Variants in LRIG1 observed in about 807,000 individuals in gnomAD.
LRIG1 encodes the protein leucine rich repeats and immunoglobulin like domains 1.
Under a neutral mutation model 99.2 loss-of-function variants are expected in LRIG1, and 48 were observed. The observed-to-expected ratio is 0.48, with a 90% CI of 0.38 to 0.62. The LOEUF is 0.62. Ranked by LOEUF, LRIG1 falls within the 20% of genes least tolerant of loss-of-function variation. LRIG1 has a pLI of 0.00. For synonymous variants in LRIG1, 772 were observed against 596.1 expected, an observed-to-expected ratio of 1.29 and a Z score of -4.30; for missense variants, 1,646 against 1,434.4, an observed-to-expected ratio of 1.15 and a Z score of -2.38.
At chr3:66,429,787 G>GTGT (rs1703098334) in intron 3 of LRIG1, among the ~76,000 whole-genome samples, 1 of 149,330 alleles carries the variant, frequency 6.7e-6, no homozygotes, top group Non-Finnish European at 1.5e-5. Flanking sequence ...AAACAGGGTG[G>GTGT]GTGTGTGTGT....
chr3:66,489,038 CCA>C (rs1356080877), intron 1 of LRIG1, among the ~76,000 whole-genome samples: 1 of 152,088 alleles, frequency 6.6e-6, no homozygotes, highest in Non-Finnish European at 1.5e-5. Flanking sequence ...GTACCAGCCT[CCA>C]CAGTTTTCTT....
chr3:66,417,111 C>G lies in LRIG1; in HGVS notation c.503+18G>C, dbSNP rs369910498. ...GACACAGCGGGCCAGCCACAGGTGG[C>G]AGAACAGAGGCACTTACAGCTCCTT... is the stretch of plus-strand genomic sequence containing the variant. On this transcript the variant is annotated intron_variant, in intron 4 of 18. Coordinates refer to ENST00000273261, the MANE Select transcript of LRIG1 (RefSeq NM_015541.3). The G allele has an allele frequency of 3.1e-6, 5 of 1,612,184 alleles. No individual in the cohort carries two copies. Among genetic ancestry groups the G allele is most frequent in the East Asian group, 4.5e-5 (2 of 44,806 alleles).
At position 66,382,265 on chromosome 3, in the gene LRIG1, G is replaced by C. The variant is rs368724646; in HGVS notation, c.2617+8C>G. 4 of 1,614,000 alleles carry C rather than the reference G, an allele frequency of 2.5e-6. No individual in the cohort carries two copies. Among genetic ancestry groups the C allele is most frequent in the Admixed American group, 1.7e-5 (1 of 60,004 alleles). On this transcript the variant is annotated splice_region_variant and intron_variant, in intron 16 of 18. Coordinates refer to ENST00000273261, the MANE Select transcript of LRIG1 (RefSeq NM_015541.3). Reference sequence around the variant, plus strand: ...CAGAGCTCTGCTTCACAGTTACTGAGGCCTTACCATTGCTCTCAATGTGCC... The same window carrying C: ...CAGAGCTCTGCTTCACAGTTACTGACGCCTTACCATTGCTCTCAATGTGCC...
intron 1 of LRIG1, among the ~76,000 whole-genome samples, chr3:66,480,667 G>A (rs555016667): frequency 2.0e-5 from 3 of 152,178 alleles, no homozygotes; most frequent in South Asian, 4.1e-4. Context: ...TCCTATACTC[G>A]CTCCCAAGCT....
rs557688850 is a variant in LRIG1 at position 66,463,379 on chromosome 3, A to C, written c.219-870T>G. Among the ~76,000 whole-genome samples the C allele has an allele frequency of 2.0e-5, 3 of 152,350 alleles. No homozygotes were observed. The East Asian group carries it at 5.8e-4, about 29-fold the overall frequency. On this transcript the variant is annotated intron_variant, in intron 1 of 18. Transcript: ENST00000273261. The stretch of plus-strand genomic sequence containing the variant: ...GGAAATTCTTGTTCGTGTTAACCAC[A>C]GGCAGGGAAAGCCTCACATGAGCAG...
rs200592406 is a variant in LRIG1 at position 66,398,994 on chromosome 3, G to A, written c.1208C>T (p.Ser403Leu). 2.4e-5 allele frequency: 38 copies of A among 1,614,190 alleles called. No individual in the cohort carries two copies. The highest frequency in any genetic ancestry group is 1.2e-4 in the African/African-American group (9 of 75,064). The part of the protein sequence containing the change: ...KIKSVAKRAF[S>L]GLEGLEHLNL... ...CAGGTGCTCCAGGCCTTCCAGCCCC[G>A]AGAATGCTCTCTTAGCCACAGACTT... Residue 403 changes from serine to leucine, a missense_variant, in exon 10 of 19, where the codon TCG becomes TTG. By Grantham distance (145) the Ser-to-Leu change is moderately radical. Coordinates refer to ENST00000273261, the MANE Select transcript of LRIG1 (RefSeq NM_015541.3).
At chr3:66,421,134 G>A (rs1702795700) in intron 3 of LRIG1, among the ~76,000 whole-genome samples, 1 of 152,130 alleles carries the variant, frequency 6.6e-6, no homozygotes, top group East Asian at 1.9e-4. Context: ...TAGGAATTGT[G>A]GGAGTCAATT....
intron 11 of LRIG1, among the ~76,000 whole-genome samples, chr3:66,397,203 AC>A (rs1701882287): frequency 6.6e-6 from 1 of 152,082 alleles, no homozygotes; most frequent in South Asian, 2.1e-4. Context: ...GTCTGGTGTC[AC>A]CCGGCCCGCT....
chr3:66,475,128 G>T (rs535671848), intron 1 of LRIG1, among the ~76,000 whole-genome samples: 5 of 152,292 alleles, frequency 3.3e-5, no homozygotes, highest in African/African-American at 1.2e-4. Flanking sequence ...AAAACAGCTA[G>T]GACTTAGCCT....
At chr3:66,481,416 G>A (rs1009959324) in intron 1 of LRIG1, among the ~76,000 whole-genome samples, 1 of 151,998 alleles carries the variant, frequency 6.6e-6, no homozygotes, top group African/African-American at 2.4e-5. Flanking sequence ...CACCTTCTAG[G>A]GAGGCTGTGC....
rs574711897 is a variant in LRIG1, at chr3:66,406,559, T to G, written c.1079+789A>C. 9.9e-5 allele frequency: 32 copies of G among 323,210 alleles called. No homozygotes were observed. In the South Asian group the frequency reaches 3.9e-3, roughly 39 times the overall value. The allele number at this position is 323,210 out of a possible 1,614,324, so 20.0% of individuals were successfully genotyped here. ...TGTCACACTGGAACAGATCCCTCTC[T>G]GTGCAGTGGATTACGCCTGAGAAGG... On this transcript the variant is annotated intron_variant, in intron 8 of 18. Transcript: ENST00000273261.
chr3:66,408,725 G>C (rs951743813), intron 7 of LRIG1, among the ~76,000 whole-genome samples: 2 of 152,088 alleles, frequency 1.3e-5, no homozygotes, highest in African/African-American at 4.8e-5. Context: ...TGGGGTCACA[G>C]CTTGACTACA....
chr3:66,468,178 T>C (rs867282350), intron 1 of LRIG1, among the ~76,000 whole-genome samples: 10 of 152,298 alleles, frequency 6.6e-5, no homozygotes, highest in South Asian at 4.1e-4. Flanking sequence ...CAGTAATTCA[T>C]TGACTCCTTG....
chr3:66,401,614 C>T (rs768513610), intron 9 of LRIG1: 14 of 1,525,466 alleles, frequency 9.2e-6, no homozygotes, highest in African/African-American at 1.4e-5. Flanking sequence ...CTTACCTTCC[C>T]CCAGCAGACA....
At chr3:66,407,273 A>C in intron 8 of LRIG1, 75 bp downstream of exon 8, 1 of 1,526,028 alleles carries the variant, frequency 6.6e-7, no homozygotes, top group Non-Finnish European at 9.0e-7. Context: ...ATGGAGTTCA[A>C]CAAAGCAGAT....
rs139720849 is a variant in LRIG1, at chr3:66,386,213, G to A, written c.1557C>T (p.Ala519=). Residue 519 remains alanine (A), a synonymous_variant, in exon 13 of 19, where the codon GCC becomes GCT. Transcript: ENST00000273261. ...AGGTCATGGGGGAGCTGCTGCTGCT[G>A]GCTGCTGAGCATGTAAACCGGATGT... ...GKDIRFTCSA[A]SSSSSPMTFA... is the part of the protein sequence containing the mutation. 7 of 1,614,146 alleles carry A rather than the reference G, an allele frequency of 4.3e-6. No homozygotes were observed. The highest frequency in any genetic ancestry group is 1.6e-4 in the Middle Eastern group (1 of 6,062).
intron 1 of LRIG1, among the ~76,000 whole-genome samples, chr3:66,467,954 G>C (rs1395753925): frequency 6.6e-6 from 1 of 152,154 alleles, no homozygotes; most frequent in Non-Finnish European, 1.5e-5. Context: ...ATTAACACAA[G>C]TCCTTTGAGC....
At chr3:66,388,982 TTGTAACTCGCG>T (rs1701511023) in intron 12 of LRIG1, among the ~76,000 whole-genome samples, 1 of 152,188 alleles carries the variant, frequency 6.6e-6, no homozygotes, top group Non-Finnish European at 1.5e-5. Context: ...ACGTGTATTT[TTGTAACTCGCG>T]TCTCCTGATT....
intron 1 of LRIG1, among the ~76,000 whole-genome samples, chr3:66,478,481 T>C (rs1470725858): frequency 6.6e-6 from 1 of 152,192 alleles, no homozygotes; most frequent in Non-Finnish European, 1.5e-5. Context: ...AAGCACCTGC[T>C]GCGTGCCAGG....
Sources: allele counts gnomAD v4.1 joint callset (sites outside exome capture counted in the v4.1 genomes callset), GRCh38; gene constraint gnomAD v4.1.1; transcripts MANE v1.5; gene names NCBI Gene and HGNC (gene_info 2026-07-23, HGNC 2026-07-21).